The following ANO3 variants were observed in gnomAD, a reference collection of about 807,000 sequenced individuals.
ANO3 encodes the protein anoctamin 3.
ANO3 carries 99 observed loss-of-function variants against 144.8 expected under a neutral mutation model. The observed-to-expected ratio is 0.68, with a 90% CI of 0.58 to 0.81. ANO3 has a LOEUF of 0.81. Among genes scored for constraint, ANO3 ranks in the 30% least tolerant of loss-of-function variants. The pLI is 0.00. For missense variants in ANO3, 905 were observed against 1,202.2 expected (o/e 0.75, Z 3.66); for synonymous variants, 414 against 392.6 (o/e 1.05, Z -0.64).
chr11:26,480,816 T>TATAAATAA (rs549373673), intron 4 of ANO3, among the ~76,000 whole-genome samples: 10,979 of 151,246 alleles, frequency 0.073, 572 homozygotes, highest in Admixed American at 0.12. Flanking sequence ...TCAAAAACAA[T>TATAAATAA]ATAAATAAAT....
chr11:26,503,947 C>T (rs1407776260), intron 4 of ANO3, among the ~76,000 whole-genome samples: 1 of 152,090 alleles, frequency 6.6e-6, no homozygotes, highest in East Asian at 1.9e-4. Context: ...TAGGTCTTCT[C>T]ATTGAACAAC....
chr11:26,497,025 GACAC>G (rs10597733), intron 4 of ANO3, among the ~76,000 whole-genome samples: 32,891 of 142,634 alleles, frequency 0.23, 3,981 homozygotes, highest in Admixed American at 0.3. Context: ...CATATATACA[GACAC>G]ACACACACAC....
Position 26,559,659 on chromosome 11 carries a change from A to G in ANO3, c.1387-60A>G, listed in dbSNP as rs368781665. ...ATCATAGTACCTGAGTGCAAACAGT[A>G]TTCACTGGCTTATTATAATCAATTT... On this transcript the variant is annotated intron_variant, in intron 13 of 26. Coordinates refer to ENST00000256737, the MANE Select transcript of ANO3 (RefSeq NM_031418.4). 66 of 1,202,156 alleles carry G rather than the reference A, an allele frequency of 5.5e-5. No individual in the cohort carries two copies. The African/African-American group carries it at 8.8e-4, about 16-fold the overall frequency. 74.5% of individuals were successfully genotyped at this position (1,202,156 alleles called of 1,614,324 possible). A position where few individuals can be genotyped will look rare whatever the true frequency, so the allele number is the denominator to read the frequency against.
chr11:26,199,987 G>A (rs541546956), intron 1 of ANO3, among the ~76,000 whole-genome samples: 23 of 152,188 alleles, frequency 1.5e-4, no homozygotes, highest in African/African-American at 5.3e-4. Context: ...CAATCAGAGT[G>A]AACTTTAAGG....
chr11:26,209,679 C>T (rs1350301862), intron 1 of ANO3, among the ~76,000 whole-genome samples: 1 of 152,168 alleles, frequency 6.6e-6, no homozygotes, highest in Non-Finnish European at 1.5e-5. Flanking sequence ...GAATGATCAC[C>T]ATTCTAACTG....
At chr11:26,286,189 A>G (rs1006750621) in intron 1 of ANO3, 3 of 152,182 alleles carry the variant, frequency 2.0e-5, no homozygotes, top group Admixed American at 2.0e-4. Context: ...AGTTCACAGG[A>G]CTCTGAAAAC....
At chr11:26,207,741 C>A (rs973106350) in intron 1 of ANO3, among the ~76,000 whole-genome samples, 2 of 84,802 alleles carry the variant, frequency 2.4e-5, no homozygotes, top group African/African-American at 6.6e-5. Context: ...TAAAACTGAC[C>A]GTAGTACATT....
At chr11:26,379,063 C>A (rs1856503799) in intron 1 of ANO3, among the ~76,000 whole-genome samples, 1 of 150,354 alleles carries the variant, frequency 6.7e-6, no homozygotes, top group Admixed American at 6.6e-5. Context: ...TTTAGAATGT[C>A]CATACAGAAA....
chr11:26,610,635 TTTTAGTAGA>T (rs1852072986), intron 17 of ANO3, among the ~76,000 whole-genome samples: 1 of 152,158 alleles, frequency 6.6e-6, no homozygotes. Context: ...CTACATTTTC[TTTTAGTAGA>T]TTCATAGTTT....
chr11:26,468,540 T>G lies in ANO3; in HGVS notation c.432+5392T>G, dbSNP rs371520583. Among the ~76,000 whole-genome samples, 22 of 152,066 alleles carry G rather than the reference T, an allele frequency of 1.4e-4. No individual in the cohort carries two copies. In the South Asian group the frequency reaches 2.3e-3, roughly 16 times the overall value. On this transcript the variant is annotated intron_variant, in intron 4 of 26. Coordinates refer to ENST00000256737, the MANE Select transcript of ANO3 (RefSeq NM_031418.4). ...TATCTCAATGAGTATTAGAAATAAT[T>G]TTCTCTAGGACTGGAGACACTGGTC...
At chr11:26,384,513 G>GT (rs759804748) in intron 1 of ANO3, among the ~76,000 whole-genome samples, 1 of 152,138 alleles carries the variant, frequency 6.6e-6, no homozygotes, top group African/African-American at 2.4e-5. Context: ...ATCTTTCAAA[G>GT]TTAAGATAAT....
intron 17 of ANO3, among the ~76,000 whole-genome samples, chr11:26,613,953 A>G (rs1272594014): frequency 1.3e-5 from 2 of 152,184 alleles, no homozygotes; most frequent in African/African-American, 2.4e-5. Context: ...ACAGATGCTC[A>G]TGGGTGTAAT....
At chr11:26,391,360 T>C (rs1037791549) in intron 1 of ANO3, among the ~76,000 whole-genome samples, 4 of 152,088 alleles carry the variant, frequency 2.6e-5, no homozygotes, top group African/African-American at 9.7e-5. Flanking sequence ...CATAAATGAA[T>C]TAATCCATTC....
At chr11:26,490,069 C>A (rs1399049315) in intron 4 of ANO3, among the ~76,000 whole-genome samples, 3 of 152,138 alleles carry the variant, frequency 2.0e-5, no homozygotes, top group Non-Finnish European at 4.4e-5. Flanking sequence ...CAACCCAAAT[C>A]TCAACTTGAA....
rs200876995 is a variant in ANO3, at chr11:26,531,266, A to G, written c.799A>G (p.Lys267Glu). The G allele has an allele frequency of 6.2e-7, 1 of 1,614,090 alleles. No homozygotes were observed. Among genetic ancestry groups the G allele is most frequent in the Non-Finnish European group, 8.5e-7 (1 of 1,179,988 alleles). ...WMAQNPMVLD[K>E]SAFPDLEESD... ...GGCCCAAAACCCAATGGTTCTTGAC[A>G]AGTCAGCTTTTCCAGACCTAGAGGA... is the stretch of plus-strand genomic sequence containing the variant. Residue 267 changes from lysine to glutamate, a missense_variant, in exon 8 of 27, where the codon AAG (lysine) becomes GAG (glutamate). Lys to Glu is a moderately conservative substitution (Grantham distance 56). Transcript: ENST00000256737.
intron 1 of ANO3, among the ~76,000 whole-genome samples, chr11:26,310,574 C>G (rs1306818446): frequency 6.6e-6 from 1 of 152,148 alleles, no homozygotes; most frequent in African/African-American, 2.4e-5. Context: ...AATCATATGA[C>G]TGACTCGCCT....
chr11:26,425,127 A>G (rs971234398), intron 1 of ANO3, among the ~76,000 whole-genome samples: 1 of 151,656 alleles, frequency 6.6e-6, no homozygotes, highest in African/African-American at 2.4e-5. Context: ...AAGCTAAGAG[A>G]CTGAGTACTT....
chr11:26,294,781 T>C (rs1854047520), intron 1 of ANO3, among the ~76,000 whole-genome samples: 2 of 152,246 alleles, frequency 1.3e-5, no homozygotes. Flanking sequence ...CCTTTCTTTT[T>C]CTTTGGCATA....
intron 1 of ANO3, among the ~76,000 whole-genome samples, chr11:26,202,374 A>T (rs958661359): frequency 6.8e-5 from 10 of 147,294 alleles, no homozygotes; most frequent in South Asian, 4.2e-4. Flanking sequence ...TGTGTATTTT[A>T]TATATATATC....
Sources: gnomAD v4.1 joint callset for allele counts (sites outside exome capture counted in the v4.1 genomes callset) on GRCh38, gnomAD v4.1.1 for gene constraint, MANE v1.5 for transcripts, NCBI Gene and HGNC (gene_info 2026-07-23, HGNC 2026-07-21) for gene names.